Variants in RAB31 observed in about 807,000 individuals in gnomAD.
RAB31 encodes the protein RAB31, member RAS oncogene family.
In RAB31, 21 loss-of-function variants were observed where a neutral mutation model predicts 25.6. That is an observed-to-expected ratio of 0.82 (90% CI 0.58 to 1.18). The LOEUF (loss-of-function observed/expected upper bound fraction) is 1.18. RAB31 is among the 50% of genes most tolerant of loss of function. The probability of loss-of-function intolerance (pLI) is 0.00; values close to 1 mark genes in which losing one functional copy is unlikely to be tolerated. For synonymous variants in RAB31, 87 were observed against 84.0 expected (o/e 1.04, Z -0.20); for missense variants, 196 against 250.1 (o/e 0.78, Z 1.46).
intron 5 of RAB31, among the ~76,000 whole-genome samples, chr18:9,841,422 C>A (rs565438760): frequency 6.6e-6 from 1 of 151,794 alleles, no homozygotes; most frequent in African/African-American, 2.4e-5. Context: ...GCCTGTAGTC[C>A]CAGCTATTCC....
chr18:9,839,311 A>G (rs2267555), intron 5 of RAB31, among the ~76,000 whole-genome samples: 47,196 of 152,094 alleles, frequency 0.31, 9,761 homozygotes, highest in East Asian at 0.69. Flanking sequence ...CTTCGGGGGC[A>G]AACAGGGGAA....
At position 9,721,623 on chromosome 18, in the gene RAB31, A is replaced by G. The variant is rs935512162; in HGVS notation, c.39+13179A>G. Among the ~76,000 whole-genome samples the G allele has an allele frequency of 2.9e-4, 44 of 152,172 alleles. 1 individual carries two copies. Among genetic ancestry groups the G allele is most frequent in the African/African-American group, 1.0e-3 (43 of 41,516 alleles). On this transcript the variant is annotated intron_variant, in intron 1 of 6. Coordinates refer to ENST00000578921, the MANE Select transcript of RAB31 (RefSeq NM_006868.4). ...AGAGCGAGACTCCATCTAAAAAAAA[A>G]AAAAAAGAAATAACTGGGGCCATGT...
At chr18:9,802,066 C>G (rs1331943627) in intron 3 of RAB31, among the ~76,000 whole-genome samples, 1 of 152,178 alleles carries the variant, frequency 6.6e-6, no homozygotes, top group African/African-American at 2.4e-5. Flanking sequence ...ACCACATTGT[C>G]TTGATTACTG....
intron 1 of RAB31, among the ~76,000 whole-genome samples, chr18:9,727,760 G>A (rs1488931178): frequency 6.6e-6 from 1 of 152,158 alleles, no homozygotes; most frequent in Non-Finnish European, 1.5e-5. Flanking sequence ...GCTAAGATCA[G>A]TCTTTCCTCT....
At chr18:9,792,833 AG>A (rs1259333668) in intron 3 of RAB31, among the ~76,000 whole-genome samples, 23 of 152,324 alleles carry the variant, frequency 1.5e-4, no homozygotes, top group African/African-American at 5.3e-4. Flanking sequence ...ATGTTGGTTC[AG>A]GAAGTCAGGT....
At position 9,853,431 on chromosome 18, in the gene RAB31, G is replaced by A. The variant is rs185093035; in HGVS notation, c.491-5797G>A. On this transcript the variant is annotated intron_variant, in intron 6 of 6. Coordinates refer to ENST00000578921, the MANE Select transcript of RAB31 (RefSeq NM_006868.4). ...ATTGCTGAGTGAAAGGAGCCAATCT[G>A]AAAAGGCTACACACTGTATGACTCC... 4.8e-3 allele frequency among the ~76,000 whole-genome samples: 731 copies of A among 152,292 alleles called. 7 individuals are homozygous for A. The highest frequency in any genetic ancestry group is 0.017 in the African/African-American group (707 of 41,566).
intron 1 of RAB31, among the ~76,000 whole-genome samples, chr18:9,728,707 T>A (rs919131211): frequency 1.8e-4 from 27 of 152,186 alleles, no homozygotes; most frequent in East Asian, 3.9e-4. Flanking sequence ...CTGGCTAATT[T>A]TTGTATTTTT....
At chr18:9,844,848 GTTTTGTTTTGTTTTGT>G (rs2068752594) in intron 5 of RAB31, 1 of 19,580 alleles carries the variant, frequency 5.1e-5, no homozygotes, top group Non-Finnish European at 9.8e-5. Flanking sequence ...GTTTTGTTTT[GTTTTGTTTTGTTTTGT>G]TTTGTTTTGT....
chr18:9,709,395 C>A (rs901078806), intron 1 of RAB31, among the ~76,000 whole-genome samples: 2 of 152,142 alleles, frequency 1.3e-5, no homozygotes, highest in South Asian at 2.1e-4. Context: ...TGTACCCGCC[C>A]GTGTCATTGG....
intron 6 of RAB31, among the ~76,000 whole-genome samples, chr18:9,853,323 C>T (rs1433599981): frequency 6.6e-6 from 1 of 152,008 alleles, no homozygotes; most frequent in Non-Finnish European, 1.5e-5. Flanking sequence ...TAAAGGGATA[C>T]ATCCATATAA....
At chr18:9,782,461 C>T (rs963981563) in intron 2 of RAB31, among the ~76,000 whole-genome samples, 10 of 152,358 alleles carry the variant, frequency 6.6e-5, no homozygotes, top group Admixed American at 5.9e-4. Flanking sequence ...CTCTTATGGC[C>T]TCTCTGACTC....
intron 1 of RAB31, among the ~76,000 whole-genome samples, chr18:9,748,986 C>G (rs8086753): frequency 0.36 from 54,030 of 152,086 alleles, 9,814 homozygotes; most frequent in Non-Finnish European, 0.38. Context: ...GAAGGCTTCT[C>G]TACTTAGTAC....
intron 1 of RAB31, among the ~76,000 whole-genome samples, chr18:9,729,536 A>G (rs2068111941): frequency 6.6e-6 from 1 of 151,992 alleles, no homozygotes; most frequent in Non-Finnish European, 1.5e-5. Flanking sequence ...CAAAAAAAAA[A>G]AAAAGTGTTT....
At chr18:9,852,889 C>T (rs372067132) in intron 6 of RAB31, among the ~76,000 whole-genome samples, 125 of 152,302 alleles carry the variant, frequency 8.2e-4, no homozygotes, top group African/African-American at 2.9e-3. Flanking sequence ...TCCTTGTCAA[C>T]GCTTGGTACC....
intron 5 of RAB31, among the ~76,000 whole-genome samples, chr18:9,820,021 CT>C (rs1229907039): frequency 6.6e-6 from 1 of 151,958 alleles, no homozygotes; most frequent in Non-Finnish European, 1.5e-5. Flanking sequence ...TATTTTACTT[CT>C]TCCTTTCCAA....
At chr18:9,852,933 A>G (rs2068796530) in intron 6 of RAB31, among the ~76,000 whole-genome samples, 2 of 152,178 alleles carry the variant, frequency 1.3e-5, no homozygotes, top group Non-Finnish European at 1.5e-5. Flanking sequence ...TTCGAAAGGA[A>G]GTATAGTGGT....
At position 9,708,692 on chromosome 18, in the gene RAB31, G is replaced by A. The variant is rs1219183255; in HGVS notation, c.39+248G>A. Among the ~76,000 whole-genome samples, 1 of 151,612 alleles carries A rather than the reference G, an allele frequency of 6.6e-6. No individual in the cohort carries two copies. The highest frequency in any genetic ancestry group is 1.5e-5 in the Non-Finnish European group (1 of 67,900). ...CCTGTTCTCCGCCTCCCCGCCGTCC[G>A]TGCGCCCCTCTGGTCCGCCCCCGCT... is the stretch of plus-strand genomic sequence containing the variant. On this transcript the variant is annotated intron_variant, in intron 1 of 6. Coordinates refer to ENST00000578921, the MANE Select transcript of RAB31 (RefSeq NM_006868.4). This position sits in a 1 kb window ranked among gnomAD's most constrained non-coding sequence, Gnocchi z 6.4.
chr18:9,785,514 C>A (rs541817026), intron 2 of RAB31, among the ~76,000 whole-genome samples: 1 of 152,152 alleles, frequency 6.6e-6, no homozygotes, highest in Admixed American at 6.5e-5. Flanking sequence ...TCCTAACTCC[C>A]AAACCCTTGT....
At chr18:9,818,723 A>G (rs923111724) in intron 5 of RAB31, among the ~76,000 whole-genome samples, 1 of 152,190 alleles carries the variant, frequency 6.6e-6, no homozygotes, top group Non-Finnish European at 1.5e-5. Context: ...TCTGTGTCAC[A>G]TGATAACTCT....
Sources: allele counts gnomAD v4.1 joint callset (sites outside exome capture counted in the v4.1 genomes callset), GRCh38; gene constraint gnomAD v4.1.1; non-coding constraint Gnocchi (gnomAD v3.1); transcripts MANE v1.5; gene names NCBI Gene and HGNC (gene_info 2026-07-23, HGNC 2026-07-21).